GPC5: variants seen among roughly 807,000 people sequenced by gnomAD.
GPC5 encodes glypican 5.
A neutral mutation model predicts 53.9 loss-of-function variants in GPC5; 47 were observed. The ratio of observed to expected loss-of-function variants is 0.87; its 90% confidence interval spans 0.69 to 1.11. The LOEUF (loss-of-function observed/expected upper bound fraction) is 1.11, where lower values mean the gene tolerates loss of function less well. GPC5 is among the 50% of genes most tolerant of loss of function. The pLI is 0.00. For synonymous variants in GPC5, 286 were observed against 263.3 expected (o/e 1.09, Z -0.84); for missense variants, 748 against 713.1 (o/e 1.05, Z -0.56).
At chr13:91,649,238 C>G (rs990705889) in intron 2 of GPC5, among the ~76,000 whole-genome samples, 1 of 152,158 alleles carries the variant, frequency 6.6e-6, no homozygotes, top group Non-Finnish European at 1.5e-5. Flanking sequence ...CAGTCTCAGG[C>G]AGTTCCTTAT....
chr13:92,116,234 C>T lies in GPC5; in HGVS notation c.1402-28596C>T, dbSNP rs139123731. Among the ~76,000 whole-genome samples the T allele has an allele frequency of 2.3e-3, 346 of 150,482 alleles. 3 individuals carry two copies. The highest frequency in any genetic ancestry group is 7.9e-3 in the African/African-American group (320 of 40,760). On this transcript the variant is annotated intron_variant, in intron 6 of 7. Coordinates refer to ENST00000377067, the MANE Select transcript of GPC5 (RefSeq NM_004466.6). ...ACTGAATCCAGCCTGGGTGACAGAG[C>T]GAGACCCTGTCTCAAAAAACAAACA... is the stretch of plus-strand genomic sequence containing the variant.
intron 6 of GPC5, among the ~76,000 whole-genome samples, chr13:92,104,831 G>A (rs2041495479): frequency 6.6e-6 from 1 of 152,028 alleles, no homozygotes; most frequent in South Asian, 2.1e-4. Context: ...GGTAAATTTG[G>A]GGTGACAGGT....
chr13:91,403,466 A>G (rs1482237849), intron 1 of GPC5, among the ~76,000 whole-genome samples: 3 of 152,172 alleles, frequency 2.0e-5, no homozygotes, highest in African/African-American at 7.2e-5. Context: ...TAGAAAGATT[A>G]AGGTGGGGTA....
chr13:91,455,720 T>C (rs1881494145), intron 2 of GPC5, among the ~76,000 whole-genome samples: 1 of 152,102 alleles, frequency 6.6e-6, no homozygotes, highest in Non-Finnish European at 1.5e-5. Flanking sequence ...AGGCTTGCAG[T>C]CACATAGTCA....
chr13:92,309,978 C>T (rs939789282), intron 7 of GPC5, among the ~76,000 whole-genome samples: 1 of 151,924 alleles, frequency 6.6e-6, no homozygotes, highest in African/African-American at 2.4e-5. Context: ...TTTTAGAATC[C>T]ACAGGTAAGA....
At chr13:91,929,913 A>G (rs956633010) in intron 6 of GPC5, among the ~76,000 whole-genome samples, 9 of 152,120 alleles carry the variant, frequency 5.9e-5, no homozygotes, top group Non-Finnish European at 1.3e-4. Context: ...GCACATTGAT[A>G]TAGATTATTT....
intron 7 of GPC5, among the ~76,000 whole-genome samples, chr13:92,795,904 A>G (rs575251195): frequency 6.6e-6 from 1 of 152,240 alleles, no homozygotes; most frequent in Admixed American, 6.5e-5. Flanking sequence ...ACACTTTTAC[A>G]CTGTTGGTGG....
chr13:91,635,249 T>C (rs2034258616), intron 2 of GPC5, among the ~76,000 whole-genome samples: 1 of 152,114 alleles, frequency 6.6e-6, no homozygotes, highest in Admixed American at 6.6e-5. Flanking sequence ...TATAAACTCA[T>C]GTAAAAGTTT....
At chr13:92,850,824 A>G (rs943715288) in intron 7 of GPC5, among the ~76,000 whole-genome samples, 1 of 152,228 alleles carries the variant, frequency 6.6e-6, no homozygotes, top group Non-Finnish European at 1.5e-5. Flanking sequence ...GTTGAGGGTA[A>G]AAGTAAAAGT....
chr13:91,863,751 G>A (rs1021325971), intron 5 of GPC5, among the ~76,000 whole-genome samples: 11 of 152,124 alleles, frequency 7.2e-5, no homozygotes, highest in African/African-American at 2.2e-4. Flanking sequence ...ATCATGCAGC[G>A]TGGAGATAAC....
intron 7 of GPC5, among the ~76,000 whole-genome samples, chr13:92,634,033 T>C (rs1885339492): frequency 6.6e-6 from 1 of 152,104 alleles, no homozygotes; most frequent in African/African-American, 2.4e-5. Flanking sequence ...GATAATACTG[T>C]GATATTTATT....
At chr13:91,763,154 C>T (rs73609142) in intron 5 of GPC5, among the ~76,000 whole-genome samples, 3,796 of 152,096 alleles carry the variant, frequency 0.025, 154 homozygotes, top group African/African-American at 0.086. Flanking sequence ...TTGGTGATAA[C>T]GCTCTGATGG....
chr13:92,405,862 G>A (rs1268392476), intron 7 of GPC5, among the ~76,000 whole-genome samples: 4 of 152,150 alleles, frequency 2.6e-5, no homozygotes. Context: ...AGAAGAAGGT[G>A]ACTGAAAATT....
At chr13:91,760,787 TG>T (rs1205531027) in intron 5 of GPC5, among the ~76,000 whole-genome samples, 1 of 152,104 alleles carries the variant, frequency 6.6e-6, no homozygotes, top group African/African-American at 2.4e-5. Flanking sequence ...TCAAAAGAGG[TG>T]GAATTCCTTT....
At chr13:92,422,001 C>T (rs561710076) in intron 7 of GPC5, among the ~76,000 whole-genome samples, 16 of 151,228 alleles carry the variant, frequency 1.1e-4, no homozygotes, top group Non-Finnish European at 2.2e-4. Context: ...TCTACTAACC[C>T]GGAACTCCTG....
intron 1 of GPC5, among the ~76,000 whole-genome samples, chr13:91,443,331 A>T (rs1376445468): frequency 6.6e-6 from 1 of 152,208 alleles, no homozygotes; most frequent in Non-Finnish European, 1.5e-5. Flanking sequence ...GTCTGCATGC[A>T]CAGAGAAATG....
intron 7 of GPC5, among the ~76,000 whole-genome samples, chr13:92,808,655 G>A (rs1196623888): frequency 2.6e-5 from 4 of 152,020 alleles, no homozygotes. Context: ...ACCCTGAGAT[G>A]TATACAACAG....
intron 7 of GPC5, among the ~76,000 whole-genome samples, chr13:92,483,847 G>A (rs1330984662): frequency 1.3e-5 from 2 of 149,830 alleles, no homozygotes; most frequent in Non-Finnish European, 3.0e-5. Context: ...ACCTAGTCTT[G>A]CCAGGCACTG....
In GPC5 at chr13:92,519,812, A is replaced by T. The variant is rs182452319; in HGVS notation, c.1562-346470A>T. On this transcript the variant is annotated intron_variant, in intron 7 of 7. Coordinates refer to ENST00000377067, the MANE Select transcript of GPC5 (RefSeq NM_004466.6). ...ACCGAAGGAGATAGAGACACAAAAA[A>T]CCCTTCAAAAAATCAATGAATCCAG... 5.3e-5 allele frequency among the ~76,000 whole-genome samples: 8 copies of T among 152,308 alleles called. No homozygotes were observed. The East Asian group carries it at 9.6e-4, about 18-fold the overall frequency.
Sources: gnomAD v4.1 joint callset for allele counts (sites outside exome capture counted in the v4.1 genomes callset) on GRCh38, gnomAD v4.1.1 for gene constraint, MANE v1.5 for transcripts, NCBI Gene and HGNC (gene_info 2026-07-23, HGNC 2026-07-21) for gene names.